The following LPIN1 variants were observed in gnomAD, a reference collection of about 807,000 sequenced individuals.
The protein encoded by LPIN1 is phosphatidate phosphatase LPIN1.
Under a neutral mutation model 107.5 loss-of-function variants are expected in LPIN1, and 71 were observed. The observed-to-expected ratio is 0.66, with a 90% confidence interval of 0.55 to 0.80. The LOEUF is 0.80. LPIN1 is among the 30% of genes least tolerant of loss of function. LPIN1 has a pLI of 0.00. For synonymous variants in LPIN1, 445 were observed against 452.6 expected, an observed-to-expected ratio of 0.98 and a Z score of 0.21; for missense variants, 1,043 against 1,160.6, an observed-to-expected ratio of 0.90 and a Z score of 1.47.
Position 11,783,890 on chromosome 2 carries a change from T to G in LPIN1, c.1326T>G (p.Asp442Glu). Residue 442 changes from aspartate to glutamate, a missense_variant, in exon 9 of 21, where the codon GAT becomes GAG. By Grantham distance (45) the Asp-to-Glu change is conservative (BLOSUM62 2). Coordinates refer to ENST00000674199, the MANE Select transcript of LPIN1 (RefSeq NM_001349206.2). ...ACTTGGATGACCTCACAGACATGGA[T>G]CCTGAAGTGGCGGCCCTGTATTTTC... ...GVYLDDLTDM[D>E]PEVAALYFPK... is the part of the protein sequence containing the mutation. 1 of 1,614,218 alleles carries G rather than the reference T, an allele frequency of 6.2e-7. No individual in the cohort carries two copies. Among genetic ancestry groups the G allele is most frequent in the Non-Finnish European group, 8.5e-7 (1 of 1,180,026 alleles).
chr2:11,738,345 C>T (rs576860016), intron 1 of LPIN1, among the ~76,000 whole-genome samples: 3 of 151,022 alleles, frequency 2.0e-5, no homozygotes, highest in Non-Finnish European at 4.4e-5. Context: ...ATAACAAACC[C>T]GCACGTTCTG....
At chr2:11,795,694 T>C (rs886542072) in intron 14 of LPIN1, among the ~76,000 whole-genome samples, 4 of 152,222 alleles carry the variant, frequency 2.6e-5, no homozygotes, top group African/African-American at 9.6e-5. Context: ...ATTTGCAAAA[T>C]AAATGTGAGC....
chr2:11,692,536 A>T lies in LPIN1; in HGVS notation c.81+14808A>T, dbSNP rs141894342. 3.4e-3 allele frequency among the ~76,000 whole-genome samples: 515 copies of T among 152,358 alleles called. 1 individual carries two copies. The highest frequency in any genetic ancestry group is 0.012 in the African/African-American group (502 of 41,592). Reference sequence around the variant, plus strand: ...AATATGTAACGCTAGTGAATTCTTCAGTTGAATCTGATCTTGTGGCATAAG... The same window carrying T: ...AATATGTAACGCTAGTGAATTCTTCTGTTGAATCTGATCTTGTGGCATAAG... On this transcript the variant is annotated intron_variant, in intron 1 of 21. Coordinates refer to the LPIN1 transcript ENST00000449576.
chr2:11,795,463 CGCCGCAGCTCAGCTTG>C lies in LPIN1; in HGVS notation c.1866_1881del (p.Gln623ProfsTer3). ...AAGGCCCATAGCACCGGAGAGCAAC[CGCCGCAGCTCAGCTTG>C]GCCACCAGGTGCGGTAGGAGGCTTC... is the stretch of plus-strand genomic sequence containing the variant. On this transcript the variant is annotated frameshift_variant, in exon 14 of 21. Transcript: ENST00000674199. LOFTEE classifies it high-confidence loss of function. 3 of 1,614,122 alleles carry C rather than the reference CGCCGCAGCTCAGCTTG, an allele frequency of 1.9e-6. No homozygotes were observed. Among genetic ancestry groups the C allele is most frequent in the Non-Finnish European group, 2.5e-6 (3 of 1,180,022 alleles).
intron 1 of LPIN1, among the ~76,000 whole-genome samples, chr2:11,708,311 G>A (rs1243385257): frequency 2.6e-5 from 4 of 152,092 alleles, no homozygotes; most frequent in Non-Finnish European, 1.5e-5. Context: ...TATTTGCCAA[G>A]GGGGGGACTC....
At chr2:11,756,214 G>T (rs1444940361) in intron 1 of LPIN1, among the ~76,000 whole-genome samples, 1 of 152,080 alleles carries the variant, frequency 6.6e-6, no homozygotes, top group African/African-American at 2.4e-5. Context: ...TGTGAAAATG[G>T]ACCCACTGTT....
chr2:11,699,436 C>A (rs934412895), intron 1 of LPIN1, among the ~76,000 whole-genome samples: 3 of 152,066 alleles, frequency 2.0e-5, no homozygotes, highest in Admixed American at 6.6e-5. Flanking sequence ...GTATGGAGTC[C>A]CTGGGGGGGG....
rs28754664 is a variant in LPIN1 at position 11,804,271 on chromosome 2, G to A, written c.2014-152G>A. 1.6e-3 allele frequency: 1,291 copies of A among 828,390 alleles called. 12 individuals are homozygous for A. The African/African-American group carries it at 0.019, about 12-fold the overall frequency. 51.3% of individuals were successfully genotyped at this position (828,390 alleles called of 1,614,324 possible). The stretch of plus-strand genomic sequence containing the variant: ...CCAGCCCCGGAAAGAACCAGAACAA[G>A]GAAGGGTGGGGAAAGAAAGAATTAT... On this transcript the variant is annotated intron_variant, in intron 15 of 20. Transcript: ENST00000674199.
chr2:11,688,592 C>A (rs1351188978), intron 1 of LPIN1, among the ~76,000 whole-genome samples: 1 of 152,228 alleles, frequency 6.6e-6, no homozygotes. Context: ...CCCAGAAATA[C>A]CCTCTAGAGG....
At chr2:11,805,230 T>C in intron 17 of LPIN1, 74 bp downstream of exon 17, 1 of 1,192,770 alleles carries the variant, frequency 8.4e-7, no homozygotes. Flanking sequence ...ATGGAATCTT[T>C]CCTGTCCCAG....
chr2:11,732,341 A>G (rs555384726), intron 1 of LPIN1, among the ~76,000 whole-genome samples: 29 of 152,332 alleles, frequency 1.9e-4, no homozygotes, highest in Admixed American at 6.5e-4. Context: ...CCCACATCCA[A>G]GTTCATGCTT....
chr2:11,788,659 A>G (rs1000714208), intron 12 of LPIN1, among the ~76,000 whole-genome samples: 4 of 152,160 alleles, frequency 2.6e-5, no homozygotes, highest in African/African-American at 9.7e-5. Context: ...TATCAAGGCA[A>G]AACCTCCCAA....
At chr2:11,810,441 C>T in intron 17 of LPIN1, among the ~76,000 whole-genome samples, 1 of 152,046 alleles carries the variant, frequency 6.6e-6, no homozygotes, top group East Asian at 1.9e-4. Flanking sequence ...AAGGGAGACT[C>T]CGGTGCAGAC....
chr2:11,800,086 G>T (rs539919158), intron 14 of LPIN1, among the ~76,000 whole-genome samples: 1 of 152,282 alleles, frequency 6.6e-6, no homozygotes, highest in East Asian at 1.9e-4. Flanking sequence ...CTAAATCTTT[G>T]TCTTCAGCCC....
chr2:11,784,122 T>C, intron 9 of LPIN1, 200 bp downstream of exon 9: 1 of 887,812 alleles, frequency 1.1e-6, no homozygotes, highest in Non-Finnish European at 1.6e-6. Context: ...CTGGCCAACA[T>C]GGTGAATCCT....
intron 1 of LPIN1, chr2:11,764,054 A>T (rs1299212104): frequency 9.6e-6 from 1 of 104,382 alleles, no homozygotes; most frequent in Non-Finnish European, 1.8e-5. Context: ...CTATCTTCAA[A>T]TGTGTGTGTG....
intron 1 of LPIN1, among the ~76,000 whole-genome samples, chr2:11,698,685 G>C (rs77634189): frequency 6.6e-6 from 1 of 152,346 alleles, no homozygotes; most frequent in East Asian, 1.9e-4. Flanking sequence ...TATTTAAACA[G>C]AATAAGCTTT....
At chr2:11,729,964 G>GT (rs1199946453) in intron 1 of LPIN1, among the ~76,000 whole-genome samples, 1 of 151,850 alleles carries the variant, frequency 6.6e-6, no homozygotes, top group Non-Finnish European at 1.5e-5. Context: ...CTTGGTGTCT[G>GT]TAATTAATTT....
chr2:11,825,852 C>T lies in LPIN1; in HGVS notation c.*1061C>T, dbSNP rs1682301365. On this transcript the variant is annotated 3_prime_UTR_variant, in exon 21 of 21. Transcript: ENST00000674199. This position sits in a 1 kb window ranked among gnomAD's most constrained non-coding sequence, Gnocchi z 4.1. Reference sequence around the variant, plus strand: ...ATTTATTCATATTCTTTCTATACCACTGTCATTAATATATTAAAAAGATGT... The same window carrying T: ...ATTTATTCATATTCTTTCTATACCATTGTCATTAATATATTAAAAAGATGT... 1 of 152,076 alleles carries T rather than the reference C, an allele frequency of 6.6e-6. No individual in the cohort carries two copies. The highest frequency in any genetic ancestry group is 1.5e-5 in the Non-Finnish European group (1 of 68,032). The allele number at this position is 152,076 out of a possible 1,614,324, so 9.4% of individuals were successfully genotyped here.
Sources: allele counts gnomAD v4.1 joint callset (sites outside exome capture counted in the v4.1 genomes callset), GRCh38; gene constraint gnomAD v4.1.1; non-coding constraint Gnocchi (gnomAD v3.1); transcripts MANE v1.5; gene names NCBI Gene and HGNC (gene_info 2026-07-23, HGNC 2026-07-21).